Variants in ANKRD44 observed in about 807,000 individuals in gnomAD.
ANKRD44 encodes the protein ankyrin repeat domain 44.
In ANKRD44, 35 loss-of-function variants were observed where a neutral mutation model predicts 116.0. That is an observed-to-expected ratio of 0.30 (90% CI 0.23 to 0.40). The LOEUF is 0.40. ANKRD44 is among the 10% of genes least tolerant of loss of function. The pLI is 1.00. For synonymous variants in ANKRD44, 435 were observed against 461.8 expected (o/e 0.94, Z 0.74); for missense variants, 1,014 against 1,242.6 (o/e 0.82, Z 2.77).
chr2:197,176,659 G>A (rs1365125809), intron 2 of ANKRD44, among the ~76,000 whole-genome samples: 1 of 152,192 alleles, frequency 6.6e-6, no homozygotes, highest in African/African-American at 2.4e-5. Flanking sequence ...GGTTTAGAAA[G>A]GGGAACTGAG....
chr2:197,203,241 GTCAA>G lies in ANKRD44; in HGVS notation c.28-16139_28-16136del. ...CAGGAAAAATTAAAAGGGAACCAAT[GTCAA>G]AGCTAGGGAAATTATTGAGCAAGTT... is the stretch of plus-strand genomic sequence containing the variant. On this transcript the variant is annotated intron_variant, in intron 1 of 27. Transcript: ENST00000282272. This position sits in a 1 kb window ranked among gnomAD's most constrained non-coding sequence, Gnocchi z 4.1. Among the ~76,000 whole-genome samples, 1 of 152,262 alleles carries G rather than the reference GTCAA, an allele frequency of 6.6e-6. No individual in the cohort carries two copies. Among genetic ancestry groups the G allele is most frequent in the East Asian group, 1.9e-4 (1 of 5,188 alleles).
At chr2:197,229,750 C>T (rs2081811740) in intron 1 of ANKRD44, among the ~76,000 whole-genome samples, 1 of 152,070 alleles carries the variant, frequency 6.6e-6, no homozygotes. Flanking sequence ...TAACTTTCCC[C>T]AAAGTCACAC....
chr2:197,186,526 G>A (rs747652584), intron 2 of ANKRD44, among the ~76,000 whole-genome samples: 5 of 150,034 alleles, frequency 3.3e-5, no homozygotes, highest in Admixed American at 6.7e-5. Flanking sequence ...GTGCAGTGGC[G>A]TGATCAAAGT....
At chr2:196,967,284 G>T in exon 22 of ANKRD44, 1 of 322,718 alleles carries the variant, frequency 3.1e-6, no homozygotes, top group Non-Finnish European at 6.8e-6. Context: ...GACAGGCAAG[G>T]CGAATCCGGT....
chr2:197,273,211 C>A (rs908120736), intron 1 of ANKRD44, among the ~76,000 whole-genome samples: 1 of 152,130 alleles, frequency 6.6e-6, no homozygotes, highest in African/African-American at 2.4e-5. Flanking sequence ...GTGAAAGAGA[C>A]TGAAGAAAGA....
In ANKRD44 at chr2:197,034,049, C is replaced by CGAGAGAGAGAGAGAGAGAGA. The variant is rs1491563139; in HGVS notation, c.1651-8783_1651-8782insTCTCTCTCTCTCTCTCTCTC. Among the ~76,000 whole-genome samples the CGAGAGAGAGAGAGAGAGAGA allele has an allele frequency of 3.0e-4, 4 of 13,250 alleles. No individual in the cohort carries two copies. In the South Asian group the frequency reaches 8.4e-3, roughly 28 times the overall value. The allele number at this position is 13,250 out of a possible 152,430, so 8.7% of individuals were successfully genotyped here. On this transcript the variant is annotated intron_variant, in intron 16 of 27. Coordinates refer to ENST00000282272, the MANE Select transcript of ANKRD44 (RefSeq NM_001195144.2). Reference sequence around the variant, plus strand: ...ATGTCTCAGGGGAGGCATATGAGGGCTAGAGAGAGAGAGAGAGAGAGAGAG... The same window carrying CGAGAGAGAGAGAGAGAGAGA: ...ATGTCTCAGGGGAGGCATATGAGGGCGAGAGAGAGAGAGAGAGAGATAGAGAGAGAGAGAGAGAGAGAGAG...
rs1222517961 is a variant in ANKRD44 at position 197,273,981 on chromosome 2, ATATATATAT to A, written c.27+36588_27+36596del. 4.7e-3 allele frequency among the ~76,000 whole-genome samples: 112 copies of A among 23,948 alleles called. 15 individuals carry two copies. The highest frequency in any genetic ancestry group is 0.012 in the South Asian group (6 of 498). The allele number at this position is 23,948 out of a possible 152,430, so 15.7% of individuals were successfully genotyped here. On this transcript the variant is annotated intron_variant, in intron 1 of 27. Transcript: ENST00000282272. ...ACCACAAAAAAAAAAAAAAAAAAAA[ATATATATAT>A]ATATATATATATATATATATATATA...
At chr2:197,093,680 T>A (rs1351354190) in intron 10 of ANKRD44, among the ~76,000 whole-genome samples, 2 of 152,200 alleles carry the variant, frequency 1.3e-5, no homozygotes, top group Non-Finnish European at 2.9e-5. Flanking sequence ...TGTCTCTGAA[T>A]CAATTCAGGA....
chr2:197,293,797 T>C (rs1280190262), intron 1 of ANKRD44, among the ~76,000 whole-genome samples: 1 of 152,178 alleles, frequency 6.6e-6, no homozygotes. Flanking sequence ...TAGACCAGCT[T>C]AGAAGTGGGT....
At chr2:197,029,410 T>G (rs570199148) in intron 16 of ANKRD44, 1 of 306,486 alleles carries the variant, frequency 3.3e-6, no homozygotes, top group African/African-American at 2.3e-5. Flanking sequence ...TCTTTGGAGC[T>G]CTAGGCTTTT....
At chr2:197,169,950 C>T (rs907644731) in intron 2 of ANKRD44, among the ~76,000 whole-genome samples, 1 of 152,026 alleles carries the variant, frequency 6.6e-6, no homozygotes, top group African/African-American at 2.4e-5. Flanking sequence ...AGCACTTTGG[C>T]AGGCCATGGC....
chr2:197,202,761 A>G (rs1265607005), intron 1 of ANKRD44, among the ~76,000 whole-genome samples: 1 of 152,030 alleles, frequency 6.6e-6, no homozygotes, highest in East Asian at 1.9e-4. Flanking sequence ...AAATTTTTGT[A>G]GAGAGGGGGT....
At chr2:197,187,758 G>A (rs1313965404) in intron 1 of ANKRD44, among the ~76,000 whole-genome samples, 7 of 151,980 alleles carry the variant, frequency 4.6e-5, no homozygotes, top group African/African-American at 1.7e-4. Flanking sequence ...AAACGTGGCC[G>A]TTGGTAAGCC....
At chr2:197,095,637 G>A (rs576499248) in intron 10 of ANKRD44, among the ~76,000 whole-genome samples, 1 of 152,310 alleles carries the variant, frequency 6.6e-6, no homozygotes, top group African/African-American at 2.4e-5. Flanking sequence ...CAGGAGCTGA[G>A]GGTCCAGATC....
chr2:197,063,669 T>C (rs960201140), intron 16 of ANKRD44, among the ~76,000 whole-genome samples: 7 of 152,230 alleles, frequency 4.6e-5, no homozygotes, highest in African/African-American at 1.4e-4. Context: ...CAAGCTTCAG[T>C]AGCCGATTCG....
chr2:197,200,929 G>A (rs975013832), intron 1 of ANKRD44, among the ~76,000 whole-genome samples: 6 of 151,896 alleles, frequency 4.0e-5, no homozygotes, highest in African/African-American at 1.5e-4. Flanking sequence ...TTAATAACAA[G>A]TTTTAAATTT....
intron 1 of ANKRD44, among the ~76,000 whole-genome samples, chr2:197,193,862 A>G (rs766739095): frequency 4.1e-4 from 62 of 152,326 alleles, no homozygotes; most frequent in East Asian, 9.7e-4. Flanking sequence ...AGCCTGGGCA[A>G]CAGAGAGGGA....
intron 2 of ANKRD44, among the ~76,000 whole-genome samples, chr2:197,158,662 A>G (rs1416882519): frequency 6.6e-6 from 1 of 152,218 alleles, no homozygotes; most frequent in African/African-American, 2.4e-5. Context: ...ACAGGAGAGG[A>G]AGCTAGAATT....
chr2:197,294,154 T>C (rs1330614838), intron 1 of ANKRD44, among the ~76,000 whole-genome samples: 1 of 152,186 alleles, frequency 6.6e-6, no homozygotes, highest in Non-Finnish European at 1.5e-5. Context: ...GTTCAGAAAA[T>C]GCTGGAGGTC....
Sources: gnomAD v4.1 joint callset for allele counts (sites outside exome capture counted in the v4.1 genomes callset) on GRCh38, gnomAD v4.1.1 for gene constraint, Gnocchi (gnomAD v3.1) non-coding constraint, MANE v1.5 for transcripts, NCBI Gene and HGNC (gene_info 2026-07-23, HGNC 2026-07-21) for gene names.